SEMA6D: variants seen among roughly 807,000 people sequenced by gnomAD.
The protein encoded by SEMA6D is semaphorin-6D.
A neutral mutation model predicts 106.6 loss-of-function variants in SEMA6D; 35 were observed. The ratio of observed to expected loss-of-function variants is 0.33; its 90% CI spans 0.25 to 0.44. The LOEUF (loss-of-function observed/expected upper bound fraction) is 0.44, where lower values mean the gene tolerates loss of function less well. Among genes scored for constraint, SEMA6D ranks in the 20% least tolerant of loss-of-function variants. The probability of loss-of-function intolerance (pLI) is 1.00; values close to 1 mark genes in which losing one functional copy is unlikely to be tolerated. For missense variants in SEMA6D, 1,185 were observed against 1,345.9 expected (o/e 0.88, Z 1.87); for synonymous variants, 499 against 487.7 (o/e 1.02, Z -0.31).
chr15:47,199,294 C>T (rs1033612693), intron 1 of SEMA6D, among the ~76,000 whole-genome samples: 9 of 152,140 alleles, frequency 5.9e-5, no homozygotes, highest in Admixed American at 3.9e-4. Flanking sequence ...CCATGAATTA[C>T]ACCACCTGGA....
At chr15:47,647,126 T>G (rs1596525583) in intron 4 of SEMA6D, among the ~76,000 whole-genome samples, 1 of 152,178 alleles carries the variant, frequency 6.6e-6, no homozygotes, top group East Asian at 1.9e-4. Context: ...GCAACATAGT[T>G]TGGCTATGTT....
At chr15:47,348,480 A>G (rs2038134259) in intron 1 of SEMA6D, among the ~76,000 whole-genome samples, 1 of 152,094 alleles carries the variant, frequency 6.6e-6, no homozygotes, top group Non-Finnish European at 1.5e-5. Context: ...TAATCCAAAA[A>G]TTTTAAATCC....
intron 1 of SEMA6D, among the ~76,000 whole-genome samples, chr15:47,266,655 C>G (rs1470644442): frequency 6.6e-6 from 1 of 152,010 alleles, no homozygotes. Context: ...CCACATTTGC[C>G]CAGGGCTTAG....
rs1318760882 is a variant in SEMA6D at position 47,771,394 on chromosome 15, G to A, written c.2831G>A (p.Arg944Gln). The change falls in exon 19 of 19, where the codon CGA (arginine) becomes CAA (glutamine). Residue 944 changes from arginine (R) to glutamine (Q), a missense_variant. Around this residue, in one of 3 missense-constraint regions of SEMA6D, gnomAD observed 750 missense variants for 783.5 expected, o/e 0.96. Coordinates refer to ENST00000536845, the MANE Select transcript of SEMA6D (RefSeq NM_001358351.3). ...CTCCCCAGAAATAGCCCAACCAAGCGAGTGGATGTCCCCACCACTCCTGGA... is the reference window on the plus strand; with the variant it reads ...CTCCCCAGAAATAGCCCAACCAAGCAAGTGGATGTCCCCACCACTCCTGGA... ...STLPRNSPTK[R>Q]VDVPTTPGVP... The A allele has an allele frequency of 5.0e-6, 8 of 1,613,890 alleles. No individual in the cohort carries two copies. The highest frequency in any genetic ancestry group is 1.7e-5 in the Admixed American group (1 of 59,978).
chr15:47,300,932 C>T (rs2035994906), intron 1 of SEMA6D, among the ~76,000 whole-genome samples: 1 of 152,208 alleles, frequency 6.6e-6, no homozygotes, highest in Non-Finnish European at 1.5e-5. Context: ...ACTACTGCAT[C>T]TTATTGCCTG....
chr15:47,189,877 C>CTTTAA, intron 1 of SEMA6D, among the ~76,000 whole-genome samples: 1 of 152,300 alleles, frequency 6.6e-6, no homozygotes, highest in South Asian at 2.1e-4. Flanking sequence ...ATAAATAGTG[C>CTTTAA]ATAAAGCTTT....
chr15:47,365,967 G>T (rs2039013745), intron 1 of SEMA6D, among the ~76,000 whole-genome samples: 1 of 151,162 alleles, frequency 6.6e-6, no homozygotes, highest in Non-Finnish European at 1.5e-5. Context: ...AAGAAAGAAA[G>T]AAAGAAACAG....
intron 1 of SEMA6D, among the ~76,000 whole-genome samples, chr15:47,728,024 C>A (rs558460947): frequency 6.6e-6 from 1 of 152,332 alleles, no homozygotes; most frequent in South Asian, 2.1e-4. Context: ...GAACAACCCC[C>A]ATCATCATTT....
chr15:47,759,288 C>G (rs1354397912), intron 1 of SEMA6D, among the ~76,000 whole-genome samples: 2 of 152,082 alleles, frequency 1.3e-5, no homozygotes, highest in Non-Finnish European at 2.9e-5. Flanking sequence ...GAGATTATGA[C>G]AGGATCATCA....
At position 47,571,262 on chromosome 15, in the gene SEMA6D, G is replaced by A. The variant is rs571590634; in HGVS notation, c.-86-29603G>A. On this transcript the variant is annotated intron_variant, in intron 3 of 19. Transcript: ENST00000558014. ...GCATAGCTGTACTCACTCTGTAACT[G>A]GAAAAGAAAAAAAAAATTCTGGAGC... Among the ~76,000 whole-genome samples the A allele has an allele frequency of 1.5e-4, 23 of 151,566 alleles. No homozygotes were observed. In the East Asian group the frequency reaches 2.3e-3, roughly 15 times the overall value.
At chr15:47,419,531 T>G (rs2041085152) in intron 2 of SEMA6D, among the ~76,000 whole-genome samples, 1 of 151,942 alleles carries the variant, frequency 6.6e-6, no homozygotes, top group Admixed American at 6.6e-5. Flanking sequence ...AAGAGAAAGC[T>G]GGAGTTTTAT....
At chr15:47,534,554 T>C (rs1246154941) in intron 3 of SEMA6D, among the ~76,000 whole-genome samples, 6 of 152,178 alleles carry the variant, frequency 3.9e-5, no homozygotes, top group Non-Finnish European at 1.5e-5. Context: ...TTAAAATAAA[T>C]AGAATAGTTA....
intron 4 of SEMA6D, among the ~76,000 whole-genome samples, chr15:47,655,361 G>A (rs963029376): frequency 1.3e-5 from 2 of 152,198 alleles, no homozygotes; most frequent in Non-Finnish European, 2.9e-5. Flanking sequence ...TGAAACCAGG[G>A]TTGAGGACTG....
intron 1 of SEMA6D, among the ~76,000 whole-genome samples, chr15:47,277,216 A>T (rs1478996341): frequency 6.6e-6 from 1 of 152,198 alleles, no homozygotes; most frequent in Non-Finnish European, 1.5e-5. Context: ...TGAAATGACA[A>T]CAAAAGATCT....
chr15:47,618,779 C>G (rs2077050236), intron 4 of SEMA6D, among the ~76,000 whole-genome samples: 1 of 152,184 alleles, frequency 6.6e-6, no homozygotes, highest in South Asian at 2.1e-4. Flanking sequence ...TCATAGGTAA[C>G]ATTGAACATG....
At chr15:47,323,084 A>G (rs1275934362) in intron 1 of SEMA6D, among the ~76,000 whole-genome samples, 1 of 152,168 alleles carries the variant, frequency 6.6e-6, no homozygotes, top group African/African-American at 2.4e-5. Context: ...GCTGATAAAT[A>G]TATATCTCTC....
chr15:47,375,471 A>G (rs1432324224), intron 1 of SEMA6D, among the ~76,000 whole-genome samples: 1 of 152,086 alleles, frequency 6.6e-6, no homozygotes, highest in Admixed American at 6.5e-5. Flanking sequence ...ATTTACATCA[A>G]AGAAAACTAC....
At chr15:47,615,793 C>A (rs1368485633) in intron 4 of SEMA6D, among the ~76,000 whole-genome samples, 1 of 152,266 alleles carries the variant, frequency 6.6e-6, no homozygotes, top group African/African-American at 2.4e-5. Context: ...TGTCTCTTTG[C>A]GAAAGCATTT....
chr15:47,271,421 A>AGT (rs1013411927), intron 1 of SEMA6D, among the ~76,000 whole-genome samples: 6 of 151,974 alleles, frequency 3.9e-5, no homozygotes, highest in African/African-American at 9.7e-5. Flanking sequence ...GGTAAATAAA[A>AGT]GTGTGTGTGT....
Sources: gnomAD v4.1 joint callset for allele counts (sites outside exome capture counted in the v4.1 genomes callset) on GRCh38, gnomAD v4.1.1 for gene constraint, gnomAD v4.1.1 regional missense constraint, MANE v1.5 for transcripts, NCBI Gene and HGNC (gene_info 2026-07-23, HGNC 2026-07-21) for gene names.